Variants in EDNRA observed in about 807,000 individuals in gnomAD.
EDNRA encodes the protein endothelin-1 receptor.
EDNRA carries 11 observed loss-of-function variants against 41.4 expected under a neutral mutation model. That is an observed-to-expected ratio of 0.27 (90% CI 0.17 to 0.44). The LOEUF (loss-of-function observed/expected upper bound fraction) is 0.44. Ranked by LOEUF, EDNRA falls within the 20% of genes least tolerant of loss-of-function variation. The pLI, the probability that EDNRA is intolerant of heterozygous loss-of-function variation, is 1.00. For synonymous variants in EDNRA, 172 were observed against 183.0 expected, an observed-to-expected ratio of 0.94 and a Z score of 0.49; for missense variants, 294 against 531.0, an observed-to-expected ratio of 0.55 and a Z score of 4.39.
At chr4:147,538,942 C>T (rs1050267581) in intron 5 of EDNRA, among the ~76,000 whole-genome samples, 3 of 152,128 alleles carry the variant, frequency 2.0e-5, no homozygotes, top group East Asian at 1.9e-4. Flanking sequence ...ATTTTGTGTT[C>T]CTAGTCAGGC....
At chr4:147,508,803 C>T (rs893639756) in intron 2 of EDNRA, among the ~76,000 whole-genome samples, 23 of 152,108 alleles carry the variant, frequency 1.5e-4, no homozygotes, top group African/African-American at 5.6e-4. Context: ...GTCCAGTGAC[C>T]TGTGTTCTAT....
chr4:147,493,373 A>G (rs919640072), intron 2 of EDNRA: 2 of 148,110 alleles, frequency 1.4e-5, no homozygotes, highest in African/African-American at 5.3e-5. Context: ...GGGTAGTCTT[A>G]TGAGTTGCTT....
chr4:147,542,131 G>A (rs542417479), intron 7 of EDNRA, among the ~76,000 whole-genome samples: 1 of 152,282 alleles, frequency 6.6e-6, no homozygotes, highest in African/African-American at 2.4e-5. Context: ...GAGCCACACA[G>A]GTGGTGCACA....
In EDNRA at chr4:147,485,733, G is replaced by A; in HGVS notation, c.52G>A (p.Val18Ile). 1 of 1,613,978 alleles carries A rather than the reference G, an allele frequency of 6.2e-7. No homozygotes were observed. The highest frequency in any genetic ancestry group is 8.5e-7 in the Non-Finnish European group (1 of 1,179,920). The change falls in exon 2 of 8, where the codon GTA becomes ATA. Residue 18 changes from valine (V) to isoleucine (I), a missense_variant. Val to Ile is a conservative substitution (Grantham distance 29). This residue lies in a region of EDNRA where 90 missense variants were observed against 122.8 expected (regional missense o/e 0.73). Transcript: ENST00000651419. ...CTTTTGGCTGGCACTGGTTGGATGT[G>A]TAATCAGTGATAATCCTGAGAGATA... Reference protein sequence around the residue: ...ASFWLALVGCVISDNPERYST... With the variant: ...ASFWLALVGCIISDNPERYST...
intron 7 of EDNRA, 69 bp from the exon 8 acceptor site, chr4:147,542,409 A>C: frequency 6.2e-7 from 1 of 1,603,106 alleles, no homozygotes; most frequent in Non-Finnish European, 8.5e-7. Context: ...AGCATGGCCC[A>C]GGGCCGCTGT....
Position 147,498,298 on chromosome 4 carries a change from C to G in EDNRA, c.420+12197C>G, listed in dbSNP as rs190997614. Among the ~76,000 whole-genome samples, 60 of 152,288 alleles carry G rather than the reference C, an allele frequency of 3.9e-4. 1 individual carries two copies. Among genetic ancestry groups the G allele is most frequent in the Admixed American group, 1.3e-3 (20 of 15,308 alleles). ...GGAAATAGCTTCACGGTAATATTTT[C>G]ATTAATTGTATGGAGTGACTTCAGA... On this transcript the variant is annotated intron_variant, in intron 2 of 7. Coordinates refer to ENST00000651419, the MANE Select transcript of EDNRA (RefSeq NM_001957.4).
In EDNRA at chr4:147,498,534, A is replaced by T. The variant is rs964124833; in HGVS notation, c.420+12433A>T. The stretch of plus-strand genomic sequence containing the variant: ...GTTTTATTGGAACACAGCCATACCT[A>T]TTGCTTACGTATTTTCTATGGCAGC... On this transcript the variant is annotated intron_variant, in intron 2 of 7. Transcript: ENST00000651419. 2.7e-5 allele frequency among the ~76,000 whole-genome samples: 4 copies of T among 148,042 alleles called. 1 individual carries two copies. The highest frequency in any genetic ancestry group is 2.7e-4 in the Admixed American group (4 of 15,004).
intron 4 of EDNRA, among the ~76,000 whole-genome samples, chr4:147,535,473 G>A (rs1394641376): frequency 6.6e-6 from 1 of 152,116 alleles, no homozygotes; most frequent in Admixed American, 6.5e-5. Flanking sequence ...TAAAGCAGGC[G>A]CTAACAAAAT....
chr4:147,503,552 C>A (rs966719903), intron 2 of EDNRA, among the ~76,000 whole-genome samples: 2 of 152,098 alleles, frequency 1.3e-5, no homozygotes, highest in Non-Finnish European at 2.9e-5. Flanking sequence ...TTATAAGTTG[C>A]AGTCGATTAG....
intron 2 of EDNRA, among the ~76,000 whole-genome samples, chr4:147,507,985 TTAAG>T (rs1167811221): frequency 3.9e-5 from 6 of 152,198 alleles, no homozygotes; most frequent in African/African-American, 1.2e-4. Flanking sequence ...ACATTTTTAA[TTAAG>T]TATTTATTTT....
chr4:147,492,240 A>G lies in EDNRA; in HGVS notation c.420+6139A>G, dbSNP rs1321404867. ...TGCAAGTTCCTTCAGGCATGCTGCC[A>G]TCATTCTCATTTATCACTGTATCTC... On this transcript the variant is annotated intron_variant, in intron 2 of 7. Transcript: ENST00000651419. The G allele has an allele frequency of 2.0e-5, 3 of 152,418 alleles. No individual in the cohort carries two copies. In the East Asian group the frequency reaches 5.8e-4, roughly 29 times the overall value. 9.4% of individuals were successfully genotyped at this position (152,418 alleles called of 1,614,324 possible). A position where few individuals can be genotyped will look rare whatever the true frequency, so the allele number is the denominator to read the frequency against.
At chr4:147,492,650 A>G (rs1332527609) in intron 2 of EDNRA, 1 of 134,430 alleles carries the variant, frequency 7.4e-6, no homozygotes, top group Non-Finnish European at 1.6e-5. Flanking sequence ...AAACATTCAT[A>G]TCACAGAAGT....
At chr4:147,497,794 C>G (rs1043316522) in intron 2 of EDNRA, among the ~76,000 whole-genome samples, 3 of 152,076 alleles carry the variant, frequency 2.0e-5, no homozygotes, top group Admixed American at 1.3e-4. Context: ...GGACGGTCTG[C>G]ATCTCCTGAC....
intron 6 of EDNRA, 24 bp downstream of exon 6, chr4:147,539,974 A>C: frequency 3.2e-6 from 5 of 1,559,400 alleles, no homozygotes; most frequent in Non-Finnish European, 3.4e-6. Context: ...TACTCGCTAG[A>C]AAATTGGAGT....
intron 2 of EDNRA, chr4:147,495,427 G>T (rs911742046): frequency 3.3e-5 from 5 of 152,170 alleles, no homozygotes. Flanking sequence ...GTAACACATT[G>T]TAAAGAAAAT....
chr4:147,522,326 G>A (rs2126453091), intron 3 of EDNRA, among the ~76,000 whole-genome samples: 1 of 152,224 alleles, frequency 6.6e-6, no homozygotes, highest in South Asian at 2.1e-4. Context: ...ATCACTTGAA[G>A]CCAGGAGTTC....
intron 3 of EDNRA, among the ~76,000 whole-genome samples, chr4:147,526,156 G>A (rs1006354313): frequency 6.6e-6 from 1 of 152,192 alleles, no homozygotes; most frequent in Non-Finnish European, 1.5e-5. Context: ...GTTCACTATC[G>A]TACTGAGTTA....
chr4:147,542,617 G>C lies in EDNRA; in HGVS notation c.1283G>C (p.Ter428SerextTer23). The change falls in exon 8 of 8, where the codon TGA becomes TCA. Residue 428 changes from the stop codon to serine (S), a stop_lost. Coordinates refer to ENST00000651419, the MANE Select transcript of EDNRA (RefSeq NM_001957.4). ...DRSSHKDSMN[*>S] is the part of the protein sequence containing the mutation. ...AGCAGCCATAAGGACAGCATGAACT[G>C]ACCACCCTTAGAAGCACTCCTCGGT... is the stretch of plus-strand genomic sequence containing the variant. 1 of 1,613,638 alleles carries C rather than the reference G, an allele frequency of 6.2e-7. No homozygotes were observed. Among genetic ancestry groups the C allele is most frequent in the Non-Finnish European group, 8.5e-7 (1 of 1,179,850 alleles).
intron 4 of EDNRA, 41 bp downstream of exon 4, chr4:147,532,745 G>C: frequency 6.3e-7 from 1 of 1,590,354 alleles, no homozygotes; most frequent in Non-Finnish European, 8.6e-7. Flanking sequence ...GAAGGGAGGA[G>C]GTCCTCCGTT....
Sources: gnomAD v4.1 joint callset for allele counts (sites outside exome capture counted in the v4.1 genomes callset) on GRCh38, gnomAD v4.1.1 for gene constraint, gnomAD v4.1.1 regional missense constraint, MANE v1.5 for transcripts, NCBI Gene and HGNC (gene_info 2026-07-23, HGNC 2026-07-21) for gene names.